Variants in KCNK2 observed in about 807,000 individuals in gnomAD.
KCNK2 encodes the protein potassium two pore domain channel subfamily K member 2.
Under a neutral mutation model 40.5 loss-of-function variants are expected in KCNK2, and 21 were observed. That is an observed-to-expected ratio of 0.52 (90% CI 0.37 to 0.75). KCNK2 has a LOEUF of 0.75. KCNK2 is among the 30% of genes least tolerant of loss of function. KCNK2 has a pLI of 0.00. For missense variants in KCNK2, 399 were observed against 531.6 expected, an observed-to-expected ratio of 0.75 and a Z score of 2.45; for synonymous variants, 191 against 202.2, an observed-to-expected ratio of 0.94 and a Z score of 0.47.
chr1:215,078,309 C>T (rs796949309), upstream of KCNK2, among the ~76,000 whole-genome samples: 13 of 152,130 alleles, frequency 8.5e-5, no homozygotes, highest in African/African-American at 2.9e-4. Flanking sequence ...GTTGATCAAA[C>T]GCAGGAGATA....
chr1:215,124,486 T>G (rs1661330679), intron 2 of KCNK2, 147 bp from the exon 3 acceptor site: 12 of 631,814 alleles, frequency 1.9e-5, no homozygotes, highest in Non-Finnish European at 2.9e-5. Flanking sequence ...TATAAAGTTT[T>G]AAGCTATATT....
chr1:215,195,990 C>A (rs1264605313), intron 6 of KCNK2, among the ~76,000 whole-genome samples: 2 of 152,042 alleles, frequency 1.3e-5, no homozygotes, highest in Non-Finnish European at 2.9e-5. Flanking sequence ...AGCATGAATT[C>A]TTTAAGTATA....
chr1:215,205,417 T>G (rs868124157), intron 6 of KCNK2, among the ~76,000 whole-genome samples: 1 of 152,126 alleles, frequency 6.6e-6, no homozygotes, highest in African/African-American at 2.4e-5. Flanking sequence ...TTTGTGTATT[T>G]AGTAGAGACG....
chr1:215,102,037 G>A (rs898538823), intron 2 of KCNK2, among the ~76,000 whole-genome samples: 8 of 151,916 alleles, frequency 5.3e-5, no homozygotes, highest in Admixed American at 2.0e-4. Context: ...TTGGGTGTAC[G>A]TGTGATATTT....
intron 1 of KCNK2, among the ~76,000 whole-genome samples, chr1:215,085,108 G>T (rs1186230630): frequency 6.6e-6 from 1 of 152,176 alleles, no homozygotes; most frequent in Non-Finnish European, 1.5e-5. Flanking sequence ...AGTAATTTCA[G>T]ATGCCTGTAG....
intron 3 of KCNK2, among the ~76,000 whole-genome samples, chr1:215,126,623 C>T (rs1661448333): frequency 6.6e-6 from 1 of 152,148 alleles, no homozygotes; most frequent in Non-Finnish European, 1.5e-5. Context: ...CTTACTGTTG[C>T]CCTGTATGTT....
chr1:215,086,336 C>T, intron 1 of KCNK2, 32 bp from the exon 2 acceptor site: 1 of 1,581,488 alleles, frequency 6.3e-7, no homozygotes, highest in Non-Finnish European at 8.7e-7. Flanking sequence ...CTCATCTCCT[C>T]CAACCTAACC....
At chr1:215,179,829 A>G (rs777352906) in intron 5 of KCNK2, among the ~76,000 whole-genome samples, 2 of 152,118 alleles carry the variant, frequency 1.3e-5, no homozygotes, top group African/African-American at 4.8e-5. Context: ...AGAAAAATGT[A>G]TATTCTGTGG....
chr1:215,052,676 C>G (rs1384044111), intron 1 of KCNK2, among the ~76,000 whole-genome samples: 2 of 152,024 alleles, frequency 1.3e-5, no homozygotes, highest in Admixed American at 6.6e-5. Flanking sequence ...TTGTTAGCCC[C>G]CTAAAATGTC....
chr1:215,075,113 C>A lies in KCNK2; in HGVS notation c.35-11255C>A, dbSNP rs371232070. Among the ~76,000 whole-genome samples, 21 of 152,200 alleles carry A rather than the reference C, an allele frequency of 1.4e-4. No homozygotes were observed. The East Asian group carries it at 3.3e-3, about 24-fold the overall frequency. ...TGCAAAACATGGGTGTTTTGACCTG[C>A]ATGAATTTTCAAAACTAAAAAGAAA... On this transcript the variant is annotated intron_variant, in intron 1 of 6. Transcript: ENST00000391895.
intron 1 of KCNK2, among the ~76,000 whole-genome samples, chr1:215,055,519 A>G (rs899914296): frequency 2.0e-5 from 3 of 152,220 alleles, no homozygotes; most frequent in African/African-American, 7.2e-5. Context: ...CTGCTTTTCT[A>G]GTTACTGGTT....
At chr1:215,007,385 G>A (rs1656219723) in intron 1 of KCNK2, among the ~76,000 whole-genome samples, 3 of 150,862 alleles carry the variant, frequency 2.0e-5, no homozygotes, top group African/African-American at 7.3e-5. Flanking sequence ...GGTTTAAGGG[G>A]CATGAAAATA....
chr1:215,029,374 C>T lies in KCNK2; in HGVS notation c.34+23419C>T, dbSNP rs1053910845. 2.7e-5 allele frequency among the ~76,000 whole-genome samples: 3 copies of T among 109,678 alleles called. No individual in the cohort carries two copies. In the Admixed American group the frequency reaches 3.5e-4, roughly 13 times the overall value. 72.0% of individuals were successfully genotyped at this position (109,678 alleles called of 152,430 possible). On this transcript the variant is annotated intron_variant, in intron 1 of 6. Transcript: ENST00000391895. Reference sequence around the variant, plus strand: ...AAGTCATATACTTGGAATCACATAGCATATAATCTATTTGGATTTTTTTTT... The same window carrying T: ...AAGTCATATACTTGGAATCACATAGTATATAATCTATTTGGATTTTTTTTT...
chr1:215,205,117 T>G (rs1247522371), intron 6 of KCNK2, among the ~76,000 whole-genome samples: 1 of 152,218 alleles, frequency 6.6e-6, no homozygotes, highest in African/African-American at 2.4e-5. Flanking sequence ...CATGAAATAT[T>G]TTCATTTGAC....
intron 3 of KCNK2, among the ~76,000 whole-genome samples, chr1:215,141,427 T>G (rs1039103706): frequency 6.6e-6 from 1 of 152,084 alleles, no homozygotes; most frequent in African/African-American, 2.4e-5. Context: ...ACGATAGGAA[T>G]TTTTCAGCTC....
Position 215,086,420 on chromosome 1 carries a change from G to C in KCNK2, c.99G>C (p.Pro33=), listed in dbSNP as rs781109841. Residue 33 remains proline, a synonymous_variant, in exon 2 of 7, where the codon CCG becomes CCC. Coordinates refer to ENST00000444842, the MANE Select transcript of KCNK2 (RefSeq NM_001017425.3). ...DPKSAAQNSK[P]RLSFSTKPTV... is the part of the protein sequence containing the mutation. ...AATCTGCCGCTCAGAACTCCAAACCGAGGCTCTCGTTTTCCACGAAACCCA... is the reference window on the plus strand; with the variant it reads ...AATCTGCCGCTCAGAACTCCAAACCCAGGCTCTCGTTTTCCACGAAACCCA... 2 of 1,614,148 alleles carry C rather than the reference G, an allele frequency of 1.2e-6. No individual in the cohort carries two copies. The highest frequency in any genetic ancestry group is 1.7e-6 in the Non-Finnish European group (2 of 1,180,022).
At chr1:215,211,194 C>A (rs972868247) in intron 6 of KCNK2, among the ~76,000 whole-genome samples, 3 of 152,076 alleles carry the variant, frequency 2.0e-5, no homozygotes, top group Admixed American at 6.6e-5. Context: ...ATTCCTCCAG[C>A]CTTTTCTCTT....
At chr1:215,128,380 G>T (rs962084298) in intron 3 of KCNK2, among the ~76,000 whole-genome samples, 3 of 152,210 alleles carry the variant, frequency 2.0e-5, no homozygotes, top group African/African-American at 7.2e-5. Flanking sequence ...GTAAGTCAAT[G>T]TAAGAAGCTC....
intron 2 of KCNK2, among the ~76,000 whole-genome samples, chr1:215,117,796 A>G (rs1169159700): frequency 6.6e-6 from 1 of 152,112 alleles, no homozygotes; most frequent in Non-Finnish European, 1.5e-5. Flanking sequence ...AAGGAACCCA[A>G]TGACATACTT....
Sources: allele counts gnomAD v4.1 joint callset (sites outside exome capture counted in the v4.1 genomes callset), GRCh38; gene constraint gnomAD v4.1.1; transcripts MANE v1.5; gene names NCBI Gene and HGNC (gene_info 2026-07-23, HGNC 2026-07-21).